FAM186B: variants seen among roughly 807,000 people sequenced by gnomAD.
FAM186B encodes protein FAM186B.
FAM186B carries 68 observed loss-of-function variants against 83.4 expected under a neutral mutation model. The ratio of observed to expected loss-of-function variants is 0.81; its 90% CI spans 0.67 to 1.00. The LOEUF is 1.00. FAM186B is among the 50% of genes least tolerant of loss of function. The probability of loss-of-function intolerance (pLI) is 0.00; values close to 1 mark genes in which losing one functional copy is unlikely to be tolerated. For synonymous variants in FAM186B, 389 were observed against 422.0 expected, an observed-to-expected ratio of 0.92 and a Z score of 0.96; for missense variants, 983 against 1,099.2, an observed-to-expected ratio of 0.89 and a Z score of 1.49.
At chr12:49,607,508 A>G (rs1416353118), upstream of FAM186B, among the ~76,000 whole-genome samples, 4 of 152,144 alleles carry the variant, frequency 2.6e-5, no homozygotes, top group Non-Finnish European at 2.9e-5. Flanking sequence ...CCGTAAATCT[A>G]CTAAAGAAAT....
At chr12:49,614,988 C>T in the FAM186B span, among the ~76,000 whole-genome samples, 10 of 151,988 alleles carry the variant, frequency 6.6e-5, no homozygotes, top group African/African-American at 2.4e-4. Flanking sequence ...ATTAGCCAGG[C>T]GTGGGGGCGG....
In FAM186B at chr12:49,598,656, C is replaced by G. The variant is rs192634872; in HGVS notation, c.2364+99G>C. 1.5e-4 allele frequency: 165 copies of G among 1,118,798 alleles called. No individual in the cohort carries two copies. In the African/African-American group the frequency reaches 2.2e-3, roughly 15 times the overall value. 69.3% of individuals were successfully genotyped at this position (1,118,798 alleles called of 1,614,324 possible). ...TCCCTTCTGCCCCTGGTCCCGCAGTCTCAGCCACATCCCCACGGGTTCATT... is the reference window on the plus strand; with the variant it reads ...TCCCTTCTGCCCCTGGTCCCGCAGTGTCAGCCACATCCCCACGGGTTCATT... On this transcript the variant is annotated intron_variant, in intron 5 of 6. Transcript: ENST00000257894.
Position 49,600,869 on chromosome 12 carries a change from C to T in FAM186B, c.771G>A (p.Leu257=). 3 of 1,613,928 alleles carry T rather than the reference C, an allele frequency of 1.9e-6. No individual in the cohort carries two copies. The highest frequency in any genetic ancestry group is 1.7e-6 in the Non-Finnish European group (2 of 1,179,932). Reference sequence around the variant, plus strand: ...TTTGCAGGTGCCTGTATTTGGTCTCCAGGCTCCTGTTCTCCTTGTGTTGGA... The same window carrying T: ...TTTGCAGGTGCCTGTATTTGGTCTCTAGGCTCCTGTTCTCCTTGTGTTGGA... The part of the protein sequence containing the change: ...LILQHKENRS[L]ETKYRHLQMQ... The change falls in exon 4 of 7, where the codon CTG becomes CTA. Residue 257 remains leucine (L), a synonymous_variant. Transcript: ENST00000257894. This position sits in a 1 kb window ranked among gnomAD's most constrained non-coding sequence, Gnocchi z 4.3.
chr12:49,610,378 T>C (rs1227883195), upstream of FAM186B, among the ~76,000 whole-genome samples: 1 of 152,196 alleles, frequency 6.6e-6, no homozygotes, highest in African/African-American at 2.4e-5. Flanking sequence ...CATGGATTGC[T>C]AGGAAACTCA....
At chr12:49,619,665 C>CTTT in the FAM186B span, 7 of 222,076 alleles carry the variant, frequency 3.2e-5, no homozygotes, top group Admixed American at 6.7e-5. Flanking sequence ...AGTTAGACAT[C>CTTT]TCTTTTTTTT....
upstream of FAM186B, among the ~76,000 whole-genome samples, chr12:49,607,167 A>G (rs1329372105): frequency 6.6e-6 from 1 of 152,136 alleles, no homozygotes; most frequent in African/African-American, 2.4e-5. Context: ...AAAACCCAAA[A>G]TAAGCAGAAG....
Position 49,604,552 on chromosome 12 carries a change from G to C in FAM186B, c.97-14C>G, listed in dbSNP as rs1489101982. On this transcript the variant is annotated splice_polypyrimidine_tract_variant and intron_variant, in intron 1 of 6. Transcript: ENST00000257894. ...GGTAGAAATATCCTATAGAGAAGCAGCAGATTGTAGTGTTAGGGCTGTGGA... is the reference window on the plus strand; with the variant it reads ...GGTAGAAATATCCTATAGAGAAGCACCAGATTGTAGTGTTAGGGCTGTGGA... 1 of 1,610,140 alleles carries C rather than the reference G, an allele frequency of 6.2e-7. No individual in the cohort carries two copies. The highest frequency in any genetic ancestry group is 1.1e-5 in the South Asian group (1 of 90,974).
chr12:49,605,753 CTTTTCT>C (rs1940004963), upstream of FAM186B: 3 of 228,288 alleles, frequency 1.3e-5, no homozygotes, highest in Non-Finnish European at 2.4e-5. Context: ...GACTTGTTGC[CTTTTCT>C]TTTTTTTTTT....
rs1939475027 is a variant in FAM186B, at chr12:49,587,608, C to T, written c.2679G>A (p.Val893=). ...PDIPRLLTLD[V] Reference sequence around the variant, plus strand: ...TCAGGCTTTTGTGGCAGGAGGACTACACGTCCAGTGTCAACAGCCGGGGAA... The same window carrying T: ...TCAGGCTTTTGTGGCAGGAGGACTATACGTCCAGTGTCAACAGCCGGGGAA... The change falls in exon 7 of 7, where the codon GTG becomes GTA. Residue 893 remains valine (V), a synonymous_variant. Coordinates refer to ENST00000257894, the MANE Select transcript of FAM186B (RefSeq NM_032130.3). 1 of 1,613,338 alleles carries T rather than the reference C, an allele frequency of 6.2e-7. No individual in the cohort carries two copies. Among genetic ancestry groups the T allele is most frequent in the South Asian group, 1.1e-5 (1 of 91,076 alleles).
At chr12:49,596,678 A>G (rs1031760640) in intron 5 of FAM186B, among the ~76,000 whole-genome samples, 1 of 152,212 alleles carries the variant, frequency 6.6e-6, no homozygotes, top group Non-Finnish European at 1.5e-5. Flanking sequence ...TGCACTATTC[A>G]TAGGAAGGTA....
upstream of FAM186B, chr12:49,605,719 C>A: frequency 2.5e-6 from 1 of 407,000 alleles, no homozygotes; most frequent in Non-Finnish European, 4.4e-6. Flanking sequence ...AGCTTTTTGT[C>A]CATTACCTAA....
the FAM186B span, among the ~76,000 whole-genome samples, chr12:49,617,323 C>T: frequency 2.0e-5 from 3 of 152,120 alleles, no homozygotes; most frequent in South Asian, 2.1e-4. Flanking sequence ...GGCAGGCAGA[C>T]GGCTCGAGCC....
the FAM186B span, chr12:49,619,759 C>CT: frequency 3.6e-6 from 1 of 276,422 alleles, no homozygotes; most frequent in Non-Finnish European, 6.7e-6. Flanking sequence ...ACTGCAACCT[C>CT]TGCCTCTCGA....
rs60232998 is a variant in FAM186B, at chr12:49,600,448, G to A, written c.1192C>T (p.Arg398Cys). The change falls in exon 4 of 7, where the codon CGC (arginine) becomes TGC (cysteine). Residue 398 changes from arginine to cysteine, a missense_variant. Transcript: ENST00000257894. This position sits in a 1 kb window ranked among gnomAD's most constrained non-coding sequence, Gnocchi z 4.3. ...GHQPLSTMTV[R>C]SRVADVFGSK... ...CCGAACACATCTGCGACCCTCGAGC[G>A]CACAGTCATGGTGGAAAGTGGCTGG... 7,771 of 1,612,938 alleles carry A rather than the reference G, an allele frequency of 4.8e-3. 333 individuals carry two copies. In the African/African-American group the frequency reaches 0.089, roughly 18 times the overall value.
At chr12:49,595,586 C>T (rs1317763928) in intron 5 of FAM186B, 2 of 437,688 alleles carry the variant, frequency 4.6e-6, no homozygotes, top group African/African-American at 4.1e-5. Context: ...TTCTTATAAG[C>T]CCAGGGCCTA....
At chr12:49,584,619 A>C (rs988296042), downstream of FAM186B, 4 of 702,198 alleles carry the variant, frequency 5.7e-6, no homozygotes, top group African/African-American at 1.7e-5. Flanking sequence ...GAGGCGCTGC[A>C]AGAGTTAGTA....
chr12:49,606,195 A>G (rs576467377), upstream of FAM186B, among the ~76,000 whole-genome samples: 1 of 152,256 alleles, frequency 6.6e-6, no homozygotes, highest in African/African-American at 2.4e-5. Flanking sequence ...ATTAGAGCCA[A>G]TCAATAACCA....
At chr12:49,602,009 A>G (rs1235444873) in intron 3 of FAM186B, among the ~76,000 whole-genome samples, 1 of 152,248 alleles carries the variant, frequency 6.6e-6, no homozygotes, top group African/African-American at 2.4e-5. Context: ...TTCTGCAATA[A>G]GATAACTTGG....
chr12:49,612,367 G>T, the FAM186B span, among the ~76,000 whole-genome samples: 1 of 134,012 alleles, frequency 7.5e-6, no homozygotes, highest in Non-Finnish European at 1.6e-5. Flanking sequence ...ATCCAACAAA[G>T]TTTTTTTTTT....
Sources: gnomAD v4.1 joint callset for allele counts (sites outside exome capture counted in the v4.1 genomes callset) on GRCh38, gnomAD v4.1.1 for gene constraint, Gnocchi (gnomAD v3.1) non-coding constraint, MANE v1.5 for transcripts, NCBI Gene and HGNC (gene_info 2026-07-23, HGNC 2026-07-21) for gene names.